The following FBXW8 variants were observed in gnomAD, a reference collection of about 807,000 sequenced individuals.
The protein encoded by FBXW8 is F-box/WD repeat-containing protein 8.
In FBXW8, 57 loss-of-function variants were observed where a neutral mutation model predicts 65.3. The ratio of observed to expected loss-of-function variants is 0.87; its 90% CI spans 0.71 to 1.09. The LOEUF (loss-of-function observed/expected upper bound fraction) is 1.09. FBXW8 is among the 50% of genes least tolerant of loss of function. The probability of loss-of-function intolerance (pLI) is 0.00; values close to 1 mark genes in which losing one functional copy is unlikely to be tolerated. For synonymous variants in FBXW8, 308 were observed against 330.2 expected (o/e 0.93, Z 0.73); for missense variants, 777 against 814.8 (o/e 0.95, Z 0.57).
intron 1 of FBXW8, among the ~76,000 whole-genome samples, chr12:116,923,784 G>C (rs1420348664): frequency 6.6e-6 from 1 of 152,004 alleles, no homozygotes; most frequent in Non-Finnish European, 1.5e-5. Flanking sequence ...GCAGTGGCGC[G>C]ATCTCGGCTC....
intron 7 of FBXW8, 119 bp downstream of exon 7, chr12:116,988,988 C>A: frequency 1.1e-6 from 1 of 906,132 alleles, no homozygotes; most frequent in Non-Finnish European, 1.7e-6. Flanking sequence ...AGTATATAAG[C>A]ATGGTCAAAA....
chr12:116,997,760 A>G (rs1953409619), intron 7 of FBXW8, among the ~76,000 whole-genome samples: 1 of 152,228 alleles, frequency 6.6e-6, no homozygotes. Context: ...ACCTGTAGGT[A>G]TAGCGGCCCA....
intron 3 of FBXW8, among the ~76,000 whole-genome samples, chr12:116,947,348 G>C (rs982731965): frequency 3.3e-5 from 5 of 152,140 alleles, no homozygotes; most frequent in Non-Finnish European, 5.9e-5. Flanking sequence ...TCCTGACAGT[G>C]TTAACAAGGA....
intron 2 of FBXW8, among the ~76,000 whole-genome samples, chr12:116,932,516 A>G (rs1881847116): frequency 6.6e-6 from 1 of 152,124 alleles, no homozygotes; most frequent in African/African-American, 2.4e-5. Flanking sequence ...ATGATACAGG[A>G]CCATTTAGAC....
At chr12:116,947,013 T>G (rs1342251829) in intron 3 of FBXW8, among the ~76,000 whole-genome samples, 1 of 151,976 alleles carries the variant, frequency 6.6e-6, no homozygotes, top group African/African-American at 2.4e-5. Context: ...CAGACCGTGG[T>G]AGAGAAAAGC....
chr12:116,987,767 T>TC (rs1885830023), intron 6 of FBXW8, among the ~76,000 whole-genome samples: 1 of 152,202 alleles, frequency 6.6e-6, no homozygotes, highest in Non-Finnish European at 1.5e-5. Flanking sequence ...TGCTATTACA[T>TC]CCCCATGGTT....
chr12:117,025,204 G>C (rs541341664), intron 9 of FBXW8, among the ~76,000 whole-genome samples: 1 of 152,166 alleles, frequency 6.6e-6, no homozygotes, highest in Non-Finnish European at 1.5e-5. Flanking sequence ...AGAGACATTC[G>C]GCCAGACACG....
intron 7 of FBXW8, among the ~76,000 whole-genome samples, chr12:116,998,451 T>G (rs933957461): frequency 6.6e-6 from 1 of 152,260 alleles, no homozygotes; most frequent in African/African-American, 2.4e-5. Context: ...GCTTTCAAAT[T>G]AAGCTTAGAA....
intron 1 of FBXW8, among the ~76,000 whole-genome samples, chr12:116,918,117 G>T (rs1364692029): frequency 6.6e-6 from 1 of 152,134 alleles, no homozygotes; most frequent in East Asian, 1.9e-4. Flanking sequence ...ACCTCAGTTG[G>T]CACCTGATAG....
chr12:116,948,707 A>C (rs1379519677), intron 3 of FBXW8: 3 of 152,166 alleles, frequency 2.0e-5, no homozygotes, highest in Non-Finnish European at 4.4e-5. Flanking sequence ...AACCTCCCAC[A>C]TGTAAATACT....
rs986816883 is a variant in FBXW8 at position 117,028,380 on chromosome 12, T to C, written c.*208T>C. On this transcript the variant is annotated 3_prime_UTR_variant, in exon 11 of 11. Transcript: ENST00000652555. The surrounding 1 kb of genome is among the most constrained non-coding windows in gnomAD (Gnocchi z 4.1). ...CGTGTGCCAGGGCTCGAGTCCCACG[T>C]GCTGCCAACTCAAACATAGCCTCCT... 3 of 620,842 alleles carry C rather than the reference T, an allele frequency of 4.8e-6. No homozygotes were observed. The South Asian group carries it at 6.0e-5, about 12-fold the overall frequency. The allele number at this position is 620,842 out of a possible 1,614,324, so 38.5% of individuals were successfully genotyped here. A position where few individuals can be genotyped will look rare whatever the true frequency, so the allele number is the denominator to read the frequency against.
intron 3 of FBXW8, 166 bp from the exon 4 acceptor site, chr12:116,949,452 C>T (rs1394475674): frequency 3.1e-6 from 2 of 645,784 alleles, no homozygotes; most frequent in East Asian, 5.5e-5. Context: ...AACAGCTTAG[C>T]ATGTTAGTCA....
chr12:116,952,626 G>A (rs1325332264), intron 4 of FBXW8, among the ~76,000 whole-genome samples: 1 of 152,158 alleles, frequency 6.6e-6, no homozygotes, highest in East Asian at 1.9e-4. Context: ...CTGTTTCACT[G>A]AAACATTTTT....
At chr12:117,004,007 C>T (rs1403699725) in intron 7 of FBXW8, among the ~76,000 whole-genome samples, 1 of 152,142 alleles carries the variant, frequency 6.6e-6, no homozygotes, top group South Asian at 2.1e-4. Context: ...GGAAATGTAT[C>T]GCGATGCTCT....
At chr12:116,963,116 C>T (rs1031305191) in intron 4 of FBXW8, among the ~76,000 whole-genome samples, 4 of 152,166 alleles carry the variant, frequency 2.6e-5, no homozygotes, top group Admixed American at 6.5e-5. Context: ...ACGTCTCTCC[C>T]GTTTGGCTCT....
chr12:116,939,830 G>T (rs2137332318), intron 2 of FBXW8, among the ~76,000 whole-genome samples: 1 of 152,264 alleles, frequency 6.6e-6, no homozygotes, highest in African/African-American at 2.4e-5. Flanking sequence ...TTGTGGCCTG[G>T]CTCACTCACA....
chr12:116,955,044 G>GA lies in FBXW8; in HGVS notation c.677+5338_677+5339insA, dbSNP rs1415202984. 3.3e-5 allele frequency among the ~76,000 whole-genome samples: 5 copies of GA among 151,308 alleles called. No homozygotes were observed. The South Asian group carries it at 1.1e-3, about 32-fold the overall frequency. ...ACTTTCCCCTCTTGAAATGGGGGGG[G>GA]GGGGCCCTGTATTAAGCATCTGTAT... On this transcript the variant is annotated intron_variant, in intron 4 of 10. Coordinates refer to ENST00000652555, the MANE Select transcript of FBXW8 (RefSeq NM_153348.3).
intron 7 of FBXW8, among the ~76,000 whole-genome samples, chr12:116,990,678 A>G (rs554137336): frequency 2.2e-4 from 33 of 152,310 alleles, no homozygotes; most frequent in South Asian, 1.0e-3. Flanking sequence ...TACAGTTGTA[A>G]TGGATACATT....
chr12:117,015,031 CAAGA>C (rs1465884528), intron 8 of FBXW8, among the ~76,000 whole-genome samples: 1 of 152,160 alleles, frequency 6.6e-6, no homozygotes, highest in East Asian at 1.9e-4. Context: ...GGCACAGCCA[CAAGA>C]AAGAGAAAAA....
Sources: allele counts gnomAD v4.1 joint callset (sites outside exome capture counted in the v4.1 genomes callset), GRCh38; gene constraint gnomAD v4.1.1; non-coding constraint Gnocchi (gnomAD v3.1); transcripts MANE v1.5; gene names NCBI Gene and HGNC (gene_info 2026-07-23, HGNC 2026-07-21).